Variants in ASH1L observed in about 807,000 individuals in gnomAD.
The protein encoded by ASH1L is ASH1 like histone lysine methyltransferase, also known as histone-lysine N-methyltransferase ASH1L.
In ASH1L, 23 loss-of-function variants were observed where a neutral mutation model predicts 269.0. The observed-to-expected ratio is 0.09, with a 90% CI of 0.06 to 0.12. The LOEUF (loss-of-function observed/expected upper bound fraction) is 0.12, where lower values mean the gene tolerates loss of function less well. Ranked by LOEUF, ASH1L falls within the 10% of genes least tolerant of loss-of-function variation. ASH1L has a pLI of 1.00. For missense variants in ASH1L, 2,912 were observed against 3,567.8 expected (o/e 0.82, Z 4.68); for synonymous variants, 1,187 against 1,253.5 (o/e 0.95, Z 1.12).
chr1:155,425,868 A>C (rs1571181172), intron 5 of ASH1L, among the ~76,000 whole-genome samples: 1 of 148,706 alleles, frequency 6.7e-6, no homozygotes. Context: ...GGGAGCCCCC[A>C]TGCCTGGCCT....
Position 155,438,543 on chromosome 1 carries a change from T to G in ASH1L, c.5612A>C (p.Gln1871Pro), listed in dbSNP as rs1662283924. 1.9e-6 allele frequency: 3 copies of G among 1,613,580 alleles called. No homozygotes were observed. The highest frequency in any genetic ancestry group is 2.5e-6 in the Non-Finnish European group (3 of 1,179,802). The part of the protein sequence containing the change: ...VVSMQAFQAA[Q>P]FVNPELNRDE... Reference sequence around the variant, plus strand: ...TCTGTTCAATTCTGGGTTGACAAACTGAGCAGCCTGGAATGCTTGCATTGA... The same window carrying G: ...TCTGTTCAATTCTGGGTTGACAAACGGAGCAGCCTGGAATGCTTGCATTGA... The change falls in exon 5 of 28, where the codon CAG becomes CCG. Residue 1871 changes from glutamine (Q) to proline (P), a missense_variant. Transcript: ENST00000392403.
At chr1:155,346,299 T>C (rs1473233271) in intron 21 of ASH1L, 84 bp downstream of exon 21, 3 of 1,562,052 alleles carry the variant, frequency 1.9e-6, no homozygotes, top group Non-Finnish European at 2.6e-6. Context: ...AAGGAAATTC[T>C]GCAAAGCAGG....
chr1:155,415,637 A>G (rs1258535169), intron 6 of ASH1L, 107 bp downstream of exon 6: 1 of 1,326,268 alleles, frequency 7.5e-7, no homozygotes, highest in Non-Finnish European at 1.1e-6. Context: ...AAACACAATC[A>G]TCACGCTTAT....
intron 4 of ASH1L, among the ~76,000 whole-genome samples, chr1:155,446,300 A>AT (rs35106620): frequency 0.042 from 5,930 of 139,934 alleles, 180 homozygotes; most frequent in Middle Eastern, 0.081. Flanking sequence ...AATTAATTAA[A>AT]TTTTTTTTTT....
chr1:155,411,586 A>ATATATATATATATATATATATAT (rs1558075618), intron 6 of ASH1L, among the ~76,000 whole-genome samples: 36 of 55,096 alleles, frequency 6.5e-4, no homozygotes, highest in South Asian at 8.4e-4. Flanking sequence ...TAAATAAATA[A>ATATATATATATATATATATATAT]ATATATATAT....
chr1:155,356,659 C>A (rs952307099), intron 15 of ASH1L, among the ~76,000 whole-genome samples: 81 of 144,400 alleles, frequency 5.6e-4, no homozygotes, highest in Middle Eastern at 3.6e-3. Context: ...AAAAAAAAAA[C>A]AACAAAAAAC....
chr1:155,496,507 T>C (rs1308222109), intron 2 of ASH1L, among the ~76,000 whole-genome samples: 1 of 152,240 alleles, frequency 6.6e-6, no homozygotes, highest in Non-Finnish European at 1.5e-5. Flanking sequence ...TAATATAAAA[T>C]CTACTACAGA....
intron 2 of ASH1L, among the ~76,000 whole-genome samples, chr1:155,508,045 C>G (rs765796632): frequency 6.0e-5 from 9 of 150,404 alleles, no homozygotes; most frequent in Non-Finnish European, 1.0e-4. Flanking sequence ...GAACTACAAT[C>G]ACGTATTATG....
intron 2 of ASH1L, among the ~76,000 whole-genome samples, chr1:155,489,209 A>G (rs1372583035): frequency 1.3e-5 from 2 of 152,174 alleles, no homozygotes; most frequent in Non-Finnish European, 2.9e-5. Context: ...GCGGTGGCTC[A>G]CACCTGTAAT....
chr1:155,481,281 G>A lies in ASH1L; in HGVS notation c.1589C>T (p.Pro530Leu), dbSNP rs764247635. Residue 530 changes from proline to leucine, a missense_variant, in exon 3 of 28, where the codon CCG becomes CTG. By Grantham distance (98) the Pro-to-Leu change is moderately conservative (BLOSUM62 -3). Around this residue, in one of 13 missense-constraint regions of ASH1L, gnomAD observed 715 missense variants for 721.0 expected, o/e 0.99. Transcript: ENST00000392403. The part of the protein sequence containing the change: ...EKQPPVYCTS[P>L]DFKMGGASDV... The stretch of plus-strand genomic sequence containing the variant: ...AGAAGCACCTCCCATTTTAAAGTCC[G>A]GAGAAGTGCAATATACAGGAGGCTG... 49 of 1,613,938 alleles carry A rather than the reference G, an allele frequency of 3.0e-5. No homozygotes were observed. The highest frequency in any genetic ancestry group is 5.3e-5 in the African/African-American group (4 of 74,906).
At chr1:155,495,216 T>C (rs759824425) in intron 2 of ASH1L, among the ~76,000 whole-genome samples, 6 of 152,236 alleles carry the variant, frequency 3.9e-5, no homozygotes, top group Admixed American at 1.3e-4. Flanking sequence ...GATGATGAAG[T>C]AGAATCAAAG....
chr1:155,371,762 C>T (rs1468288766), intron 10 of ASH1L, among the ~76,000 whole-genome samples: 5 of 149,506 alleles, frequency 3.3e-5, no homozygotes, highest in South Asian at 2.1e-4. Flanking sequence ...GGCACAATCT[C>T]GGCTCACTGC....
At chr1:155,377,269 A>T (rs2148435268) in intron 10 of ASH1L, among the ~76,000 whole-genome samples, 1 of 152,296 alleles carries the variant, frequency 6.6e-6, no homozygotes, top group Admixed American at 6.5e-5. Flanking sequence ...GAGAGAATAT[A>T]TCCCCATATG....
intron 19 of ASH1L, 113 bp downstream of exon 19, chr1:155,349,214 T>G (rs1025653324): frequency 8.2e-7 from 1 of 1,214,466 alleles, no homozygotes; most frequent in East Asian, 2.4e-5. Context: ...CAAAAATGAC[T>G]GGCTTTTCCA....
intron 22 of ASH1L, 149 bp downstream of exon 22, chr1:155,344,034 T>G (rs1421608114): frequency 4.3e-6 from 3 of 696,180 alleles, no homozygotes; most frequent in Non-Finnish European, 7.1e-6. Context: ...AGGTGATGCA[T>G]GTAAGCACAA....
intron 26 of ASH1L, among the ~76,000 whole-genome samples, chr1:155,338,988 G>T (rs746566386): frequency 6.6e-6 from 1 of 152,102 alleles, no homozygotes; most frequent in Non-Finnish European, 1.5e-5. Flanking sequence ...AACTGTACTG[G>T]CTACATCTGT....
chr1:155,404,671 G>A (rs1276107783), intron 6 of ASH1L, among the ~76,000 whole-genome samples: 3 of 151,866 alleles, frequency 2.0e-5, no homozygotes, highest in Admixed American at 1.3e-4. Flanking sequence ...GGGTAAACTG[G>A]TGGGAAAAAA....
chr1:155,358,562 C>A (rs1654633346), intron 13 of ASH1L: 1 of 151,998 alleles, frequency 6.6e-6, no homozygotes, highest in African/African-American at 2.4e-5. Context: ...GTGACAGGCA[C>A]CTGTAGTCCC....
chr1:155,366,390 T>C (rs1655422162), intron 12 of ASH1L, among the ~76,000 whole-genome samples: 1 of 152,174 alleles, frequency 6.6e-6, no homozygotes, highest in African/African-American at 2.4e-5. Context: ...ATATAATCTA[T>C]AAAGAACCAT....
Sources: allele counts gnomAD v4.1 joint callset (sites outside exome capture counted in the v4.1 genomes callset), GRCh38; gene constraint gnomAD v4.1.1; regional missense constraint gnomAD v4.1.1; transcripts MANE v1.5; gene names NCBI Gene and HGNC (gene_info 2026-07-23, HGNC 2026-07-21).